NOVA1: variants seen among roughly 807,000 people sequenced by gnomAD.
The protein encoded by NOVA1 is RNA-binding protein Nova-1.
In NOVA1, 7 loss-of-function variants were observed where a neutral mutation model predicts 38.0. The observed-to-expected ratio is 0.18, with a 90% CI of 0.10 to 0.35. The LOEUF is 0.35. Ranked by LOEUF, NOVA1 falls within the 10% of genes least tolerant of loss-of-function variation. The pLI is 1.00. For synonymous variants in NOVA1, 270 were observed against 232.5 expected, an observed-to-expected ratio of 1.16 and a Z score of -1.47; for missense variants, 460 against 616.0, an observed-to-expected ratio of 0.75 and a Z score of 2.68.
At chr14:26,527,381 CAGA>C (rs997176316) in intron 2 of NOVA1, among the ~76,000 whole-genome samples, 10 of 151,946 alleles carry the variant, frequency 6.6e-5, no homozygotes, top group Non-Finnish European at 7.4e-5. Context: ...TGAGCATCAC[CAGA>C]ATCAATAAGC....
Position 26,588,106 on chromosome 14 carries a change from C to T in NOVA1, c.280+7304G>A, listed in dbSNP as rs1031026071. ...AAATTATGGAGCCATGAGAGTATAACTATTCTCAAACATCTTTAAAATGAA... is the reference window on the plus strand; with the variant it reads ...AAATTATGGAGCCATGAGAGTATAATTATTCTCAAACATCTTTAAAATGAA... On this transcript the variant is annotated intron_variant, in intron 2 of 4. Transcript: ENST00000539517. Among the ~76,000 whole-genome samples the T allele has an allele frequency of 4.6e-5, 7 of 150,720 alleles. No homozygotes were observed. In the South Asian group the frequency reaches 1.2e-3, roughly 27 times the overall value.
chr14:26,507,159 C>T (rs1179039601), intron 2 of NOVA1, among the ~76,000 whole-genome samples: 3 of 152,028 alleles, frequency 2.0e-5, no homozygotes, highest in Non-Finnish European at 4.4e-5. Flanking sequence ...CAAACAAGCA[C>T]TTAGCACAAT....
chr14:26,528,165 G>A (rs549443622), intron 2 of NOVA1, among the ~76,000 whole-genome samples: 2 of 152,230 alleles, frequency 1.3e-5, no homozygotes, highest in South Asian at 2.1e-4. Context: ...CTCACATACT[G>A]TATCCCTGGA....
intron 2 of NOVA1, among the ~76,000 whole-genome samples, chr14:26,504,093 T>A (rs1449145154): frequency 6.6e-6 from 1 of 152,150 alleles, no homozygotes; most frequent in Non-Finnish European, 1.5e-5. Flanking sequence ...AAAATTTAGA[T>A]AAAAGTATAA....
chr14:26,548,674 C>T (rs1890978189), intron 2 of NOVA1, among the ~76,000 whole-genome samples: 1 of 152,064 alleles, frequency 6.6e-6, no homozygotes, highest in African/African-American at 2.4e-5. Context: ...TTACTAAAGA[C>T]AGCACTCTTA....
chr14:26,581,176 T>C (rs1893198479), intron 2 of NOVA1, among the ~76,000 whole-genome samples: 1 of 152,100 alleles, frequency 6.6e-6, no homozygotes, highest in Non-Finnish European at 1.5e-5. Context: ...TGACACCACA[T>C]GTTCTCTAGA....
At chr14:26,543,791 C>G (rs1566522498) in intron 2 of NOVA1, among the ~76,000 whole-genome samples, 1 of 151,956 alleles carries the variant, frequency 6.6e-6, no homozygotes, top group African/African-American at 2.4e-5. Flanking sequence ...TGATCCAAAG[C>G]TGAGAACAAG....
At chr14:26,528,003 A>G (rs1433676903) in intron 2 of NOVA1, among the ~76,000 whole-genome samples, 1 of 152,164 alleles carries the variant, frequency 6.6e-6, no homozygotes, top group Non-Finnish European at 1.5e-5. Flanking sequence ...ACACTTAAGA[A>G]AAGCAGTCTG....
rs1566420944 is a variant in NOVA1, at chr14:26,445,349, C to G, written c.*2610G>C. 6.6e-6 allele frequency: 1 copy of G among 152,190 alleles called. No homozygotes were observed. Among genetic ancestry groups the G allele is most frequent in the African/African-American group, 2.4e-5 (1 of 41,456 alleles). The allele number at this position is 152,190 out of a possible 1,614,324, so 9.4% of individuals were successfully genotyped here. A position where few individuals can be genotyped will look rare whatever the true frequency, so the allele number is the denominator to read the frequency against. ...AAATTTCAGAGAATAAATTTTTAAA[C>G]AGCATGAAGCTGATTTACACATAAT... On this transcript the variant is annotated 3_prime_UTR_variant, in exon 5 of 5. Coordinates refer to ENST00000539517, the MANE Select transcript of NOVA1 (RefSeq NM_002515.3).
chr14:26,481,988 T>TAAAAAAAAAAAAAAAAAAAA (rs372806170), intron 2 of NOVA1, among the ~76,000 whole-genome samples: 22 of 105,968 alleles, frequency 2.1e-4, no homozygotes, highest in African/African-American at 1.0e-3. Flanking sequence ...TAGATAGAGA[T>TAAAAAAAAAAAAAAAAAAAA]AAAAAAAAAA....
intron 2 of NOVA1, among the ~76,000 whole-genome samples, chr14:26,484,210 G>A (rs1406782583): frequency 1.3e-5 from 2 of 151,642 alleles, no homozygotes; most frequent in Admixed American, 6.6e-5. Context: ...CGAGGCAGGC[G>A]GATCATGAGG....
In NOVA1 at chr14:26,448,361, G is replaced by A. The variant is rs1353652516; in HGVS notation, c.1122C>T (p.Ser374=). Residue 374 remains serine, a synonymous_variant, in exon 5 of 5, where the codon AGC becomes AGT. Transcript: ENST00000539517. The surrounding 1 kb of genome is among the most constrained non-coding windows in gnomAD (Gnocchi z 5.3). The part of the protein sequence containing the change: ...TYASEASASG[S]TAGGTAGTFA... ...ATGTCCCCGCCGTACCACCAGCTGT[G>A]CTGCCACTGGCTGAGGCTTCACTGG... 6.2e-6 allele frequency: 10 copies of A among 1,613,776 alleles called. No individual in the cohort carries two copies. The highest frequency in any genetic ancestry group is 8.5e-6 in the Non-Finnish European group (10 of 1,180,000).
chr14:26,458,273 T>C (rs1395340043), intron 4 of NOVA1, among the ~76,000 whole-genome samples: 3 of 152,074 alleles, frequency 2.0e-5, no homozygotes, highest in Non-Finnish European at 4.4e-5. Flanking sequence ...TGTGGAGATT[T>C]CTCAAAGAAC....
rs139895891 is a variant in NOVA1, at chr14:26,592,735, A to G, written c.280+2675T>C. On this transcript the variant is annotated intron_variant, in intron 2 of 4. Transcript: ENST00000539517. Reference sequence around the variant, plus strand: ...TGCTTAAGATATTTTCAAAAGAAATAAGAAAAACAAATAAGCATACAAGGA... The same window carrying G: ...TGCTTAAGATATTTTCAAAAGAAATGAGAAAAACAAATAAGCATACAAGGA... 2.8e-4 allele frequency: 42 copies of G among 151,870 alleles called. No homozygotes were observed. The East Asian group carries it at 7.7e-3, about 28-fold the overall frequency. 9.4% of individuals were successfully genotyped at this position (151,870 alleles called of 1,614,324 possible). A position where few individuals can be genotyped will look rare whatever the true frequency, so the allele number is the denominator to read the frequency against.
intron 2 of NOVA1, among the ~76,000 whole-genome samples, chr14:26,573,430 A>G (rs967957080): frequency 1.3e-5 from 2 of 152,152 alleles, no homozygotes; most frequent in Non-Finnish European, 2.9e-5. Context: ...AGAATTAAAG[A>G]AAGGATTTAG....
chr14:26,565,854 C>T (rs139020874), intron 2 of NOVA1, among the ~76,000 whole-genome samples: 4 of 152,010 alleles, frequency 2.6e-5, no homozygotes, highest in South Asian at 2.1e-4. Flanking sequence ...AACTGAATGG[C>T]GTTCTTAAAT....
At chr14:26,549,613 T>C in intron 2 of NOVA1, 1 of 606,840 alleles carries the variant, frequency 1.6e-6, no homozygotes, top group South Asian at 1.8e-5. Flanking sequence ...TAGATGATGT[T>C]TCCCAGTTAT....
chr14:26,556,719 C>T (rs956448096), intron 2 of NOVA1, among the ~76,000 whole-genome samples: 2 of 151,970 alleles, frequency 1.3e-5, no homozygotes, highest in Non-Finnish European at 2.9e-5. Context: ...AGGTAAGCCA[C>T]AGATAGGGAA....
At chr14:26,553,849 C>A (rs896629750) in intron 2 of NOVA1, among the ~76,000 whole-genome samples, 2 of 152,066 alleles carry the variant, frequency 1.3e-5, no homozygotes, top group Non-Finnish European at 2.9e-5. Context: ...CTCCCGTCCT[C>A]ATAGAAGGAG....
Sources: allele counts gnomAD v4.1 joint callset (sites outside exome capture counted in the v4.1 genomes callset), GRCh38; gene constraint gnomAD v4.1.1; non-coding constraint Gnocchi (gnomAD v3.1); transcripts MANE v1.5; gene names NCBI Gene and HGNC (gene_info 2026-07-23, HGNC 2026-07-21).